The following MRPL44 variants were observed in gnomAD, a reference collection of about 807,000 sequenced individuals.
The protein encoded by MRPL44 is large ribosomal subunit protein mL44.
MRPL44 carries 21 observed loss-of-function variants against 25.9 expected under a neutral mutation model. The ratio of observed to expected loss-of-function variants is 0.81; its 90% CI spans 0.58 to 1.17. The LOEUF (loss-of-function observed/expected upper bound fraction) is 1.17. Ranked by LOEUF, MRPL44 falls within the 50% of genes most tolerant of loss-of-function variation. The pLI, the probability that MRPL44 is intolerant of heterozygous loss-of-function variation, is 0.00. For synonymous variants in MRPL44, 169 were observed against 151.0 expected, an observed-to-expected ratio of 1.12 and a Z score of -0.87; for missense variants, 410 against 398.9, an observed-to-expected ratio of 1.03 and a Z score of -0.24.
At chr2:223,963,968 T>G (rs750947272) in intron 3 of MRPL44, 34 bp downstream of exon 3, 2 of 1,573,392 alleles carry the variant, frequency 1.3e-6, no homozygotes, top group Non-Finnish European at 1.7e-6. Flanking sequence ...TTTATAACTT[T>G]GAGGAAATCC....
At chr2:223,957,378 C>CT (rs1689581560), upstream of MRPL44, 10 of 1,524,216 alleles carry the variant, frequency 6.6e-6, no homozygotes, top group Non-Finnish European at 9.1e-6. Flanking sequence ...CCAGCCTTCT[C>CT]TTCGCGTTCC....
At chr2:223,952,123 G>T in the MRPL44 span, among the ~76,000 whole-genome samples, 1 of 152,184 alleles carries the variant, frequency 6.6e-6, no homozygotes, top group Non-Finnish European at 1.5e-5. Context: ...ATTGCAGGGG[G>T]TTGACTTCTG....
rs1689628940 is a variant in MRPL44 at position 223,959,838 on chromosome 2, G to A, written c.484G>A (p.Gly162Ser). The change falls in exon 2 of 4, where the codon GGT becomes AGT. Residue 162 changes from glycine to serine, a missense_variant. Gly to Ser is a moderately conservative substitution (Grantham distance 56). Coordinates refer to ENST00000258383, the MANE Select transcript of MRPL44 (RefSeq NM_022915.5). ...GIKNLVDFLT[G>S]EEVVCHVARN... ...AAAAAATCTTGTTGACTTTCTCACT[G>A]GTGAGGAAGTCGTGTGTCACGTGGC... is the stretch of plus-strand genomic sequence containing the variant. 3 of 1,614,046 alleles carry A rather than the reference G, an allele frequency of 1.9e-6. No homozygotes were observed. In the African/African-American group the frequency reaches 4.0e-5, roughly 22 times the overall value.
the MRPL44 span, among the ~76,000 whole-genome samples, chr2:223,951,907 T>G: frequency 1.3e-5 from 2 of 152,236 alleles, no homozygotes; most frequent in Non-Finnish European, 2.9e-5. Flanking sequence ...ATAATGATGA[T>G]AATCATAAAT....
In MRPL44 at chr2:223,959,821, T is replaced by G. The variant is rs143697995; in HGVS notation, c.467T>G (p.Leu156Arg). ...PDMPTEGIKN[L>R]VDFLTGEEVV... ...ATGCCCACTGAAGGCATAAAAAATCTTGTTGACTTTCTCACTGGTGAGGAA... is the reference window on the plus strand; with the variant it reads ...ATGCCCACTGAAGGCATAAAAAATCGTGTTGACTTTCTCACTGGTGAGGAA... Residue 156 changes from leucine to arginine, a missense_variant, in exon 2 of 4, where the codon CTT becomes CGT. By Grantham distance (102) the Leu-to-Arg change is moderately radical (BLOSUM62 -2). Transcript: ENST00000258383. 546 of 1,614,086 alleles carry G rather than the reference T, an allele frequency of 3.4e-4. No homozygotes were observed. The highest frequency in any genetic ancestry group is 4.4e-4 in the Non-Finnish European group (514 of 1,180,040).
rs767807980 is a variant in MRPL44, at chr2:223,957,534, C to T, written c.62C>T (p.Ala21Val). Residue 21 changes from alanine to valine, a missense_variant, in exon 1 of 4, where the codon GCC becomes GTC. Coordinates refer to ENST00000258383, the MANE Select transcript of MRPL44 (RefSeq NM_022915.5). The stretch of plus-strand genomic sequence containing the variant: ...CATCGCTGCCTCCTGGCTCCAGTCG[C>T]CCCCAAGCTGGTCCCTCCGGTTCGG... ...QGHRCLLAPV[A>V]PKLVPPVRGV... 5 of 1,613,926 alleles carry T rather than the reference C, an allele frequency of 3.1e-6. No individual in the cohort carries two copies. The highest frequency in any genetic ancestry group is 2.7e-5 in the African/African-American group (2 of 74,952).
Position 223,966,987 on chromosome 2 carries a change from A to C in MRPL44, c.952A>C (p.Lys318Gln). The change falls in exon 4 of 4, where the codon AAG (lysine) becomes CAG (glutamine). Residue 318 changes from lysine to glutamine, a missense_variant. Transcript: ENST00000258383. ...AAATAGACGGCCGTGGAACTATTCC[A>C]AGCCCAAAGAAACCTTGAGAGCAGA... Reference protein sequence around the residue: ...TENRRPWNYSKPKETLRAEKS... With the variant: ...TENRRPWNYSQPKETLRAEKS... The C allele has an allele frequency of 1.2e-6, 2 of 1,613,906 alleles. No homozygotes were observed. The highest frequency in any genetic ancestry group is 1.7e-6 in the Non-Finnish European group (2 of 1,179,884).
At chr2:223,951,492 T>G in the MRPL44 span, among the ~76,000 whole-genome samples, 4 of 148,692 alleles carry the variant, frequency 2.7e-5, no homozygotes, top group South Asian at 2.1e-4. Context: ...TTTTTTTTTT[T>G]TTTTTCAGAC....
At chr2:223,964,815 G>A (rs548364255) in intron 3 of MRPL44, among the ~76,000 whole-genome samples, 4 of 152,254 alleles carry the variant, frequency 2.6e-5, no homozygotes, top group Admixed American at 2.6e-4. Flanking sequence ...CAAATTTTGT[G>A]AACAAAGACG....
rs763086965 is a variant in MRPL44 at position 223,966,870 on chromosome 2, A to G, written c.835A>G (p.Lys279Glu). 1.2e-6 allele frequency: 2 copies of G among 1,612,002 alleles called. No homozygotes were observed. Among genetic ancestry groups the G allele is most frequent in the Non-Finnish European group, 1.7e-6 (2 of 1,179,422 alleles). Residue 279 changes from lysine (K) to glutamate (E), a missense_variant, in exon 4 of 4, where the codon AAG (lysine) becomes GAG (glutamate). Transcript: ENST00000258383. ...TGTTTGTTCTCTTTCTAGTGATAAA[A>G]AGTTGATTGCAGAAGGACCTGGGGA... ...LYFVGLYCDK[K>E]LIAEGPGETV...
At chr2:223,956,807 G>C (rs1689570128), upstream of MRPL44, among the ~76,000 whole-genome samples, 1 of 152,096 alleles carries the variant, frequency 6.6e-6, no homozygotes, top group Non-Finnish European at 1.5e-5. Context: ...GAAAGCAATA[G>C]AATTACATTG....
At chr2:223,961,691 T>C (rs1689662876) in intron 2 of MRPL44, among the ~76,000 whole-genome samples, 1 of 152,210 alleles carries the variant, frequency 6.6e-6, no homozygotes, top group Non-Finnish European at 1.5e-5. Flanking sequence ...CAAATGTGCA[T>C]TTTAGAAACA....
chr2:223,951,478 G>GTTTTTTTTTTTT, the MRPL44 span, among the ~76,000 whole-genome samples: 13 of 112,540 alleles, frequency 1.2e-4, 1 homozygote, highest in African/African-American at 4.1e-4. Flanking sequence ...TTACCTTGGA[G>GTTTTTTTTTTTT]TTTTTTTTTT....
At chr2:223,953,711 G>A (rs1178949603), upstream of MRPL44, among the ~76,000 whole-genome samples, 1 of 152,198 alleles carries the variant, frequency 6.6e-6, no homozygotes, top group Non-Finnish European at 1.5e-5. Context: ...ATTTTGTTCA[G>A]TAGTTTTGCC....
At chr2:223,956,144 A>G (rs368110048), upstream of MRPL44, among the ~76,000 whole-genome samples, 6 of 152,332 alleles carry the variant, frequency 3.9e-5, no homozygotes, top group East Asian at 5.8e-4. Flanking sequence ...ATGTTCCATG[A>G]ATTTTCAATA....
Position 223,963,781 on chromosome 2 carries a change from GA to G in MRPL44, c.678del (p.Glu227SerfsTer8). On this transcript the variant is annotated frameshift_variant, in exon 3 of 4. Transcript: ENST00000258383. LOFTEE classifies it high-confidence loss of function. Reference sequence around the variant, plus strand: ...GACTTCTTAATTACTCAAATGACTGGAAAAGAGCTCTTTGAGATGTGGAAGA... The same window carrying G: ...GACTTCTTAATTACTCAAATGACTGGAAAGAGCTCTTTGAGATGTGGAAGA... ...IRDFLITQMT[G>X]KELFEMWKII... 1 of 1,606,612 alleles carries G rather than the reference GA, an allele frequency of 6.2e-7. No homozygotes were observed. Among genetic ancestry groups the G allele is most frequent in the Non-Finnish European group, 8.5e-7 (1 of 1,177,098 alleles).
chr2:223,959,071 A>T (rs2106116079), intron 1 of MRPL44, among the ~76,000 whole-genome samples: 1 of 152,338 alleles, frequency 6.6e-6, no homozygotes, highest in South Asian at 2.1e-4. Flanking sequence ...AGACTTGAGC[A>T]TCCATGAATT....
chr2:223,963,795 G>C lies in MRPL44; in HGVS notation c.688G>C (p.Glu230Gln). The change falls in exon 3 of 4, where the codon GAG becomes CAG. Residue 230 changes from glutamate (E) to glutamine (Q), a missense_variant. Glu to Gln is a conservative substitution (Grantham distance 29, BLOSUM62 2). Transcript: ENST00000258383. The part of the protein sequence containing the change: ...ITQMTGKELF[E>Q]MWKIINPMGL... Reference sequence around the variant, plus strand: ...TCAAATGACTGGAAAAGAGCTCTTTGAGATGTGGAAGATAATAAATCCCAT... The same window carrying C: ...TCAAATGACTGGAAAAGAGCTCTTTCAGATGTGGAAGATAATAAATCCCAT... 1.2e-6 allele frequency: 2 copies of C among 1,612,094 alleles called. No homozygotes were observed. Among genetic ancestry groups the C allele is most frequent in the Middle Eastern group, 1.7e-4 (1 of 6,058 alleles).
intron 3 of MRPL44, among the ~76,000 whole-genome samples, chr2:223,965,240 A>G (rs1689723414): frequency 6.6e-6 from 1 of 152,156 alleles, no homozygotes; most frequent in African/African-American, 2.4e-5. Flanking sequence ...ACTTTGTGCA[A>G]ATTTGTATGT....
Sources: gnomAD v4.1 joint callset for allele counts (sites outside exome capture counted in the v4.1 genomes callset) on GRCh38, gnomAD v4.1.1 for gene constraint, MANE v1.5 for transcripts, NCBI Gene and HGNC (gene_info 2026-07-23, HGNC 2026-07-21) for gene names.